The following APBB2 variants were observed in gnomAD, a reference collection of about 807,000 sequenced individuals.
The protein encoded by APBB2 is Fe65-like 1.
A neutral mutation model predicts 82.5 loss-of-function variants in APBB2; 38 were observed. The ratio of observed to expected loss-of-function variants is 0.46; its 90% CI spans 0.36 to 0.60. APBB2 has a LOEUF of 0.60. APBB2 is among the 20% of genes least tolerant of loss of function. The pLI, the probability that APBB2 is intolerant of heterozygous loss-of-function variation, is 0.00. For synonymous variants in APBB2, 341 were observed against 368.2 expected (o/e 0.93, Z 0.85); for missense variants, 772 against 972.3 (o/e 0.79, Z 2.74).
At chr4:41,088,247 G>A (rs1030187739) in intron 3 of APBB2, among the ~76,000 whole-genome samples, 1 of 152,108 alleles carries the variant, frequency 6.6e-6, no homozygotes, top group Non-Finnish European at 1.5e-5. Context: ...TCGAACTCCT[G>A]AGCTAAAGGT....
intron 3 of APBB2, among the ~76,000 whole-genome samples, chr4:41,080,424 AAAGT>A (rs2153930721): frequency 6.6e-6 from 1 of 152,378 alleles, no homozygotes; most frequent in Non-Finnish European, 1.5e-5. Context: ...GCAGAGAAAG[AAAGT>A]CTCTGTGGTG....
rs368935973 is a variant in APBB2, at chr4:40,944,505, GTTC to G, written c.1044+357_1044+359del. 3.2e-4 allele frequency among the ~76,000 whole-genome samples: 48 copies of G among 152,296 alleles called. 1 individual carries two copies. The East Asian group carries it at 8.5e-3, about 27-fold the overall frequency. ...ATTATAATACGTCTGGCCAAGAGAT[GTTC>G]TTCTGTGTGTAAATATTTTATGGAG... On this transcript the variant is annotated intron_variant, in intron 7 of 17. Transcript: ENST00000508593.
intron 4 of APBB2, among the ~76,000 whole-genome samples, chr4:41,046,649 T>C (rs1489158832): frequency 6.6e-6 from 1 of 152,156 alleles, no homozygotes; most frequent in African/African-American, 2.4e-5. Context: ...TCTTGCTAAA[T>C]GGGCCAAGGA....
intron 10 of APBB2, among the ~76,000 whole-genome samples, chr4:40,930,186 AT>A (rs1022970049): frequency 6.6e-6 from 1 of 152,210 alleles, no homozygotes; most frequent in African/African-American, 2.4e-5. Flanking sequence ...ATGTACCATG[AT>A]TATGAAGAAG....
At chr4:41,050,012 C>T (rs886460043) in intron 4 of APBB2, among the ~76,000 whole-genome samples, 3 of 152,082 alleles carry the variant, frequency 2.0e-5, no homozygotes, top group African/African-American at 7.2e-5. Context: ...CCTAGGAAAA[C>T]CAGAGACCTG....
chr4:40,970,130 T>C (rs181135524), intron 6 of APBB2, among the ~76,000 whole-genome samples: 3 of 152,302 alleles, frequency 2.0e-5, no homozygotes, highest in Admixed American at 6.5e-5. Context: ...TCAAAGGAGA[T>C]GGGGAAGAGG....
chr4:40,839,433 A>C (rs1335499033), intron 12 of APBB2, among the ~76,000 whole-genome samples: 4 of 152,080 alleles, frequency 2.6e-5, no homozygotes, highest in Admixed American at 2.6e-4. Context: ...TCTCTCACCA[A>C]TTCTCTGTTG....
chr4:40,856,629 C>G (rs1281017219), intron 12 of APBB2, among the ~76,000 whole-genome samples: 1 of 152,210 alleles, frequency 6.6e-6, no homozygotes, highest in Non-Finnish European at 1.5e-5. Context: ...TGTGGCCTCA[C>G]CAGGGGGCAC....
At position 40,828,977 on chromosome 4, in the gene APBB2, A is replaced by G. The variant is rs1051584245; in HGVS notation, c.1644+1486T>C. ...GTTGGGTCTTGACGGCTCAGGAAGA[A>G]TTGTGGGAGTGAGGCTGGGTTATGA... On this transcript the variant is annotated intron_variant, in intron 13 of 17. Transcript: ENST00000508593. Among the ~76,000 whole-genome samples the G allele has an allele frequency of 3.7e-4, 56 of 152,156 alleles. 1 individual carries two copies. The highest frequency in any genetic ancestry group is 7.3e-5 in the Non-Finnish European group (5 of 68,028).
At chr4:40,880,175 C>G (rs1768059351) in intron 12 of APBB2, 1 of 985,256 alleles carries the variant, frequency 1.0e-6, no homozygotes, top group Non-Finnish European at 1.2e-6. Flanking sequence ...AAGGAAGAGG[C>G]ACAATTACAT....
At chr4:41,027,221 G>A (rs1714653632) in intron 5 of APBB2, among the ~76,000 whole-genome samples, 1 of 144,588 alleles carries the variant, frequency 6.9e-6, no homozygotes, top group African/African-American at 2.4e-5. Context: ...GCAGTGAGCA[G>A]CAGGACCTAG....
chr4:40,831,359 G>A (rs1007880240), intron 12 of APBB2, among the ~76,000 whole-genome samples: 1 of 151,566 alleles, frequency 6.6e-6, no homozygotes, highest in South Asian at 2.1e-4. Context: ...CCGAGACTGT[G>A]CCACTGCACT....
intron 4 of APBB2, among the ~76,000 whole-genome samples, chr4:41,045,137 G>T (rs765792509): frequency 6.6e-6 from 1 of 151,624 alleles, no homozygotes; most frequent in Non-Finnish European, 1.5e-5. Flanking sequence ...TTTCTAAGAT[G>T]ATTTTTTTTA....
chr4:40,890,264 A>G, intron 12 of APBB2, 100 bp downstream of exon 12: 1 of 1,445,434 alleles, frequency 6.9e-7, no homozygotes. Flanking sequence ...AAGCTACATG[A>G]GTTTCGTATT....
intron 12 of APBB2, 95 bp downstream of exon 12, chr4:40,890,269 C>A (rs1279332126): frequency 6.8e-7 from 1 of 1,471,558 alleles, no homozygotes; most frequent in South Asian, 1.4e-5. Context: ...ACATGAGTTT[C>A]GTATTCCGTG....
intron 7 of APBB2, among the ~76,000 whole-genome samples, chr4:40,938,273 G>A (rs1306467488): frequency 6.6e-6 from 1 of 152,152 alleles, no homozygotes; most frequent in Non-Finnish European, 1.5e-5. Flanking sequence ...CTGATTACTT[G>A]ATCCTGCTCA....
chr4:41,123,124 C>T (rs1432695576), intron 2 of APBB2, among the ~76,000 whole-genome samples: 1 of 152,104 alleles, frequency 6.6e-6, no homozygotes, highest in Non-Finnish European at 1.5e-5. Context: ...CTCTCTCCCC[C>T]TTTGTCTTTT....
At chr4:40,875,287 C>T (rs896657754) in intron 12 of APBB2, among the ~76,000 whole-genome samples, 4 of 152,214 alleles carry the variant, frequency 2.6e-5, no homozygotes, top group Non-Finnish European at 5.9e-5. Context: ...AATTAACCAA[C>T]ACTTGGAAAT....
chr4:40,963,679 T>C (rs1228086851), intron 6 of APBB2, among the ~76,000 whole-genome samples: 1 of 152,244 alleles, frequency 6.6e-6, no homozygotes, highest in Non-Finnish European at 1.5e-5. Context: ...AGCAAATGAA[T>C]CCGATGCTAT....
Sources: allele counts gnomAD v4.1 joint callset (sites outside exome capture counted in the v4.1 genomes callset), GRCh38; gene constraint gnomAD v4.1.1; transcripts MANE v1.5; gene names NCBI Gene and HGNC (gene_info 2026-07-23, HGNC 2026-07-21).